Variants in BLM observed in about 807,000 individuals in gnomAD.
BLM encodes recQ-like DNA helicase BLM.
A neutral mutation model predicts 135.3 loss-of-function variants in BLM; 95 were observed. The ratio of observed to expected loss-of-function variants is 0.70; its 90% confidence interval spans 0.59 to 0.83. The LOEUF is 0.83. Among genes scored for constraint, BLM ranks in the 40% least tolerant of loss-of-function variants. BLM has a pLI of 0.00. For synonymous variants in BLM, 520 were observed against 589.2 expected (o/e 0.88, Z 1.70); for missense variants, 1,518 against 1,663.9 (o/e 0.91, Z 1.53).
At chr15:90,727,557 A>T (rs982059344) in intron 1 of BLM, among the ~76,000 whole-genome samples, 3 of 151,950 alleles carry the variant, frequency 2.0e-5, no homozygotes, top group Non-Finnish European at 4.4e-5. Context: ...GAGAGTCTGA[A>T]ATTTTGGTGG....
chr15:90,747,282 C>T (rs1303699400), intron 1 of BLM, 107 bp from the exon 2 acceptor site: 3 of 655,638 alleles, frequency 4.6e-6, no homozygotes, highest in East Asian at 3.7e-5. Flanking sequence ...ACTCTGGGCA[C>T]AGTTGGAACA....
At chr15:90,727,939 A>G (rs1424753218) in intron 1 of BLM, among the ~76,000 whole-genome samples, 4 of 151,938 alleles carry the variant, frequency 2.6e-5, no homozygotes, top group Non-Finnish European at 5.9e-5. Flanking sequence ...CAAGTTATAG[A>G]TGAATTTGAG....
At chr15:90,755,024 T>G (rs1248622108) in intron 5 of BLM, 86 bp downstream of exon 5, 1 of 1,506,064 alleles carries the variant, frequency 6.6e-7, no homozygotes, top group East Asian at 2.3e-5. Context: ...TTTGAACCTG[T>G]GGCTGTATGT....
chr15:90,799,288 C>G (rs1419709475), intron 17 of BLM, among the ~76,000 whole-genome samples: 2 of 151,728 alleles, frequency 1.3e-5, no homozygotes, highest in African/African-American at 4.8e-5. Context: ...TTAGTATCGT[C>G]TTAAAGAGTT....
intron 17 of BLM, 34 bp downstream of exon 17, chr15:90,798,371 C>G: frequency 1.9e-6 from 3 of 1,601,754 alleles, no homozygotes; most frequent in Non-Finnish European, 2.6e-6. Flanking sequence ...TGAGTTACTT[C>G]AATTGAAATT....
intron 20 of BLM, 131 bp from the exon 21 acceptor site, chr15:90,811,074 T>G: frequency 1.1e-6 from 1 of 912,886 alleles, no homozygotes; most frequent in Non-Finnish European, 1.8e-6. Context: ...GCTGAATTGT[T>G]GAATCCATAT....
At chr15:90,723,992 T>G (rs1345762722) in intron 1 of BLM, among the ~76,000 whole-genome samples, 1 of 152,108 alleles carries the variant, frequency 6.6e-6, no homozygotes, top group Non-Finnish European at 1.5e-5. Context: ...TTTTAATTTT[T>G]TATTATTTAA....
rs2151147120 is a variant in BLM, at chr15:90,749,593, C to A, written c.325C>A (p.Pro109Thr). ...GAGAGGTGGATCAAAATCATTATTG[C>A]CAGATTTCTTGCAGACTCCGAAGGA... is the stretch of plus-strand genomic sequence containing the variant. Reference protein sequence around the residue: ...TQRGGSKSLLPDFLQTPKEVV... With the variant: ...TQRGGSKSLLTDFLQTPKEVV... The change falls in exon 3 of 22, where the codon CCA becomes ACA. Residue 109 changes from proline to threonine, a missense_variant. By Grantham distance (38) the Pro-to-Thr change is conservative. Coordinates refer to ENST00000355112, the MANE Select transcript of BLM (RefSeq NM_000057.4). 1 of 1,614,130 alleles carries A rather than the reference C, an allele frequency of 6.2e-7. No homozygotes were observed. Among genetic ancestry groups the A allele is most frequent in the Non-Finnish European group, 8.5e-7 (1 of 1,180,014 alleles).
At chr15:90,811,880 A>G (rs1282592728) in intron 21 of BLM, among the ~76,000 whole-genome samples, 2 of 151,814 alleles carry the variant, frequency 1.3e-5, no homozygotes, top group South Asian at 4.2e-4. Context: ...CTGGTCTCAA[A>G]CTCCTGAGCT....
At chr15:90,799,172 A>G (rs1424175362) in intron 17 of BLM, among the ~76,000 whole-genome samples, 1 of 151,852 alleles carries the variant, frequency 6.6e-6, no homozygotes, top group Non-Finnish European at 1.5e-5. Context: ...TCAAAAAAAG[A>G]AAGAAATGGA....
At chr15:90,769,093 G>A (rs1434864399) in intron 10 of BLM, 40 bp from the exon 11 acceptor site, 1 of 1,432,952 alleles carries the variant, frequency 7.0e-7, no homozygotes, top group South Asian at 1.1e-5. Context: ...GAGGTGATGT[G>A]TTTCAGTGTT....
Position 90,815,341 on chromosome 15 carries a change from C to T in BLM, c.*62C>T. 1 of 1,553,638 alleles carries T rather than the reference C, an allele frequency of 6.4e-7. No homozygotes were observed. Among genetic ancestry groups the T allele is most frequent in the African/African-American group, 1.4e-5 (1 of 73,642 alleles). On this transcript the variant is annotated 3_prime_UTR_variant, in exon 22 of 22. Transcript: ENST00000355112. The surrounding 1 kb of genome is among the most constrained non-coding windows in gnomAD (Gnocchi z 4.6). ...TTTGTCAGCATCTGACCATCTGTGA[C>T]TATAAAGCTGTTATTCTTGTTATAC...
chr15:90,811,139 A>T, intron 20 of BLM, 66 bp from the exon 21 acceptor site: 1 of 1,552,808 alleles, frequency 6.4e-7, no homozygotes, highest in South Asian at 1.1e-5. Context: ...GTGTCTCTTC[A>T]TATACACTAA....
Position 90,760,530 on chromosome 15 carries a change from G to A in BLM, c.1221-64G>A, listed in dbSNP as rs1277564275. ...TATTTGGTATGAAAACTACAGATTT[G>A]CTTTTGTGGCCTACCAGAGTAAACT... On this transcript the variant is annotated intron_variant, in intron 6 of 21. Coordinates refer to ENST00000355112, the MANE Select transcript of BLM (RefSeq NM_000057.4). 5.4e-6 allele frequency: 8 copies of A among 1,479,170 alleles called. No individual in the cohort carries two copies. The South Asian group carries it at 7.3e-5, about 13-fold the overall frequency. The allele number at this position is 1,479,170 out of a possible 1,614,324, so 91.6% of individuals were successfully genotyped here.
At chr15:90,797,373 G>A (rs1280946070) in intron 16 of BLM, among the ~76,000 whole-genome samples, 6 of 138,742 alleles carry the variant, frequency 4.3e-5, no homozygotes, top group African/African-American at 1.4e-4. Flanking sequence ...CCAAGATTGC[G>A]CCATCGCACT....
In BLM at chr15:90,790,859, A is replaced by G; in HGVS notation, c.3019+15A>G. 2 of 1,605,802 alleles carry G rather than the reference A, an allele frequency of 1.2e-6. No individual in the cohort carries two copies. Among genetic ancestry groups the G allele is most frequent in the Non-Finnish European group, 1.7e-6 (2 of 1,172,622 alleles). ...ACTTATAATGAGTAAGCTGGGCTCC[A>G]TTGTAGAGACATTCTGTCATCTTCA... On this transcript the variant is annotated intron_variant, in intron 15 of 21. Transcript: ENST00000355112.
rs911115229 is a variant in BLM, at chr15:90,756,465, T to G, written c.1087+1527T>G. On this transcript the variant is annotated intron_variant, in intron 5 of 21. Coordinates refer to ENST00000355112, the MANE Select transcript of BLM (RefSeq NM_000057.4). The stretch of plus-strand genomic sequence containing the variant: ...TAATGAAACTAAGGTACAGGAGCGT[T>G]AAATAGTTACACACCGTCATAGAAT... 4.6e-5 allele frequency among the ~76,000 whole-genome samples: 7 copies of G among 152,194 alleles called. No homozygotes were observed. In the East Asian group the frequency reaches 9.6e-4, roughly 21 times the overall value.
rs749219353 is a variant in BLM at position 90,803,556 on chromosome 15, G to C, written c.3394G>C (p.Gly1132Arg). 5.0e-6 allele frequency: 8 copies of C among 1,613,782 alleles called. No individual in the cohort carries two copies. In the South Asian group the frequency reaches 8.8e-5, roughly 18 times the overall value. Residue 1132 changes from glycine to arginine, a missense_variant, in exon 18 of 22, where the codon GGA becomes CGA. Physicochemically the swap from Gly to Arg is moderately radical, Grantham distance 125 (BLOSUM62 -2). Transcript: ENST00000355112. ...KSAKIQSGIF[G>R]KGSAYSRHNA... ...TGCAAAAATCCAGTCAGGTATATTT[G>C]GAAAAGGATCTGCTTATTCACGACA...
At chr15:90,779,713 A>G (rs1374299908) in intron 12 of BLM, among the ~76,000 whole-genome samples, 1 of 152,226 alleles carries the variant, frequency 6.6e-6, no homozygotes, top group Admixed American at 6.5e-5. Context: ...AAGAAACAAC[A>G]TCATAAAGTG....
Sources: allele counts gnomAD v4.1 joint callset (sites outside exome capture counted in the v4.1 genomes callset), GRCh38; gene constraint gnomAD v4.1.1; non-coding constraint Gnocchi (gnomAD v3.1); transcripts MANE v1.5; gene names NCBI Gene and HGNC (gene_info 2026-07-23, HGNC 2026-07-21).